SLC4A10: variants seen among roughly 807,000 people sequenced by gnomAD.
SLC4A10 encodes sodium-driven chloride bicarbonate exchanger.
In SLC4A10, 42 loss-of-function variants were observed where a neutral mutation model predicts 137.7. That is an observed-to-expected ratio of 0.30 (90% CI 0.24 to 0.39). SLC4A10 has a LOEUF of 0.39. Among genes scored for constraint, SLC4A10 ranks in the 10% least tolerant of loss-of-function variants. The pLI, the probability that SLC4A10 is intolerant of heterozygous loss-of-function variation, is 1.00. For missense variants in SLC4A10, 925 were observed against 1,355.0 expected (o/e 0.68, Z 4.98); for synonymous variants, 474 against 464.1 (o/e 1.02, Z -0.27).
At chr2:161,938,831 T>C (rs1210411606) in intron 15 of SLC4A10, among the ~76,000 whole-genome samples, 1 of 151,798 alleles carries the variant, frequency 6.6e-6, no homozygotes, top group Non-Finnish European at 1.5e-5. Flanking sequence ...TTCAAGTACA[T>C]TTTATTGTTA....
chr2:161,637,794 A>G (rs917095588), intron 1 of SLC4A10, among the ~76,000 whole-genome samples: 7 of 152,088 alleles, frequency 4.6e-5, no homozygotes, highest in Admixed American at 4.6e-4. Flanking sequence ...CTTTTTGACA[A>G]TAGCCACTCT....
At chr2:161,966,198 C>T (rs1015220535) in intron 23 of SLC4A10, among the ~76,000 whole-genome samples, 2 of 152,076 alleles carry the variant, frequency 1.3e-5, no homozygotes, top group East Asian at 1.9e-4. Context: ...AATATGGTTA[C>T]GTAATGTGTA....
At chr2:161,946,071 A>G (rs1165119135) in intron 16 of SLC4A10, among the ~76,000 whole-genome samples, 1 of 152,000 alleles carries the variant, frequency 6.6e-6, no homozygotes, top group Non-Finnish European at 1.5e-5. Flanking sequence ...TTGCCACCTT[A>G]TCTATTTTTA....
intron 2 of SLC4A10, among the ~76,000 whole-genome samples, chr2:161,772,231 A>G (rs2051710722): frequency 1.3e-5 from 2 of 151,918 alleles, no homozygotes; most frequent in South Asian, 4.1e-4. Context: ...GTAATGGATA[A>G]CATAAAAATA....
chr2:161,816,576 C>A (rs2057080670), intron 3 of SLC4A10, among the ~76,000 whole-genome samples: 2 of 151,654 alleles, frequency 1.3e-5, no homozygotes, highest in East Asian at 1.9e-4. Flanking sequence ...TGTGCTGCAC[C>A]CATTAACTCG....
chr2:161,947,523 G>T lies in SLC4A10; in HGVS notation c.2104-43G>T, dbSNP rs776151174. ...TTAGTTTTCTGCAAGAAATGTGTCC[G>T]GTTTTTTCTTAGTAGCTCCATTTGT... On this transcript the variant is annotated intron_variant, in intron 16 of 26. Transcript: ENST00000446997. The T allele has an allele frequency of 4.4e-6, 7 of 1,584,656 alleles. No individual in the cohort carries two copies. In the East Asian group the frequency reaches 1.4e-4, roughly 31 times the overall value.
chr2:161,833,788 C>T (rs1300537039), intron 3 of SLC4A10, among the ~76,000 whole-genome samples: 2 of 152,118 alleles, frequency 1.3e-5, no homozygotes, highest in Admixed American at 6.5e-5. Flanking sequence ...TGTGATAGAC[C>T]TTCCACATTT....
intron 1 of SLC4A10, among the ~76,000 whole-genome samples, chr2:161,721,936 G>A (rs2045730502): frequency 1.3e-5 from 2 of 152,140 alleles, no homozygotes; most frequent in East Asian, 1.9e-4. Flanking sequence ...CAGCAAGATA[G>A]TCTTCAAGCT....
chr2:161,771,819 C>T (rs780755680), intron 2 of SLC4A10, among the ~76,000 whole-genome samples: 3 of 151,768 alleles, frequency 2.0e-5, no homozygotes, highest in Admixed American at 1.3e-4. Flanking sequence ...GAAATTGTTA[C>T]TAATGAGATA....
At chr2:161,829,615 CAT>C (rs1337920327) in intron 3 of SLC4A10, among the ~76,000 whole-genome samples, 7 of 152,228 alleles carry the variant, frequency 4.6e-5, no homozygotes, top group African/African-American at 1.7e-4. Flanking sequence ...GCAGTAATTT[CAT>C]TCCACTTGAA....
intron 1 of SLC4A10, among the ~76,000 whole-genome samples, chr2:161,731,251 C>T (rs1019058109): frequency 1.3e-5 from 2 of 151,890 alleles, no homozygotes; most frequent in Non-Finnish European, 2.9e-5. Flanking sequence ...TTCAGTGTAC[C>T]ACTGGTCTTT....
intron 1 of SLC4A10, among the ~76,000 whole-genome samples, chr2:161,752,508 G>A (rs2049092719): frequency 6.6e-6 from 1 of 152,014 alleles, no homozygotes; most frequent in Non-Finnish European, 1.5e-5. Flanking sequence ...GTATATATCT[G>A]AAGGTTATGA....
chr2:161,903,456 A>G (rs1683593006), intron 12 of SLC4A10, among the ~76,000 whole-genome samples: 3 of 152,162 alleles, frequency 2.0e-5, no homozygotes, highest in Non-Finnish European at 4.4e-5. Context: ...TCCTGCAACA[A>G]TATCTGGTGA....
intron 1 of SLC4A10, among the ~76,000 whole-genome samples, chr2:161,733,145 G>A (rs960185546): frequency 4.6e-5 from 7 of 152,140 alleles, no homozygotes; most frequent in Non-Finnish European, 7.4e-5. Context: ...AAGTAATGAG[G>A]AGCCGCATGT....
chr2:161,844,151 C>T (rs1033496016), intron 4 of SLC4A10, among the ~76,000 whole-genome samples: 1 of 152,014 alleles, frequency 6.6e-6, no homozygotes, highest in Non-Finnish European at 1.5e-5. Flanking sequence ...AAAAGCTTCC[C>T]ACTAATGAAC....
intron 2 of SLC4A10, among the ~76,000 whole-genome samples, chr2:161,795,013 G>A (rs1041000484): frequency 3.3e-5 from 5 of 151,930 alleles, no homozygotes; most frequent in African/African-American, 1.2e-4. Flanking sequence ...GTCAATATAA[G>A]TCAATTTTTA....
intron 23 of SLC4A10, among the ~76,000 whole-genome samples, chr2:161,965,461 A>G (rs185217727): frequency 6.6e-6 from 1 of 152,310 alleles, no homozygotes; most frequent in Admixed American, 6.5e-5. Context: ...TTCCTCTCCT[A>G]TGGATGGCAG....
intron 1 of SLC4A10, among the ~76,000 whole-genome samples, chr2:161,627,541 A>C (rs1252888611): frequency 6.6e-6 from 1 of 152,146 alleles, no homozygotes; most frequent in Non-Finnish European, 1.5e-5. Context: ...ATTCTCATTA[A>C]GCCTCCCAGG....
intron 8 of SLC4A10, 31 bp from the exon 9 acceptor site, chr2:161,879,100 A>G (rs548195623): frequency 1.2e-6 from 2 of 1,604,766 alleles, no homozygotes; most frequent in Admixed American, 1.7e-5. Flanking sequence ...TCCAATTTTG[A>G]TTTATCATAT....
Sources: allele counts gnomAD v4.1 joint callset (sites outside exome capture counted in the v4.1 genomes callset), GRCh38; gene constraint gnomAD v4.1.1; transcripts MANE v1.5; gene names NCBI Gene and HGNC (gene_info 2026-07-23, HGNC 2026-07-21).